The following MTTP variants were observed in gnomAD, a reference collection of about 807,000 sequenced individuals.
MTTP encodes microsomal triglyceride transfer protein.
In MTTP, 49 loss-of-function variants were observed where a neutral mutation model predicts 90.6. That is an observed-to-expected ratio of 0.54 (90% CI 0.43 to 0.69). The LOEUF is 0.69. Ranked by LOEUF, MTTP falls within the 30% of genes least tolerant of loss-of-function variation. The probability of loss-of-function intolerance (pLI) is 0.00; values close to 1 mark genes in which losing one functional copy is unlikely to be tolerated. For missense variants in MTTP, 945 were observed against 1,067.5 expected (o/e 0.89, Z 1.60); for synonymous variants, 347 against 384.2 (o/e 0.90, Z 1.13).
upstream of MTTP, among the ~76,000 whole-genome samples, chr4:99,572,313 C>A (rs1182045401): frequency 6.6e-6 from 1 of 151,930 alleles, no homozygotes; most frequent in African/African-American, 2.4e-5. Flanking sequence ...GAATGTCTAA[C>A]CACAATTTCA....
chr4:99,617,855 T>C (rs1013885729), intron 15 of MTTP, among the ~76,000 whole-genome samples: 23 of 152,214 alleles, frequency 1.5e-4, no homozygotes, highest in African/African-American at 4.8e-4. Flanking sequence ...ATTGAGTTCA[T>C]GTTGAACTTG....
At chr4:99,596,930 T>C (rs1459019092) in intron 7 of MTTP, 137 bp from the exon 8 acceptor site, 1 of 1,020,630 alleles carries the variant, frequency 9.8e-7, no homozygotes, top group Non-Finnish European at 1.5e-6. Context: ...GGAACTGTCA[T>C]GTGTATTGAG....
At chr4:99,582,718 C>A (rs1458107788) in intron 2 of MTTP, among the ~76,000 whole-genome samples, 8 of 152,092 alleles carry the variant, frequency 5.3e-5, no homozygotes, top group African/African-American at 1.9e-4. Flanking sequence ...TGAGTAAAGT[C>A]AGTTATTCTT....
At chr4:99,621,037 T>A (rs1317769874) in intron 16 of MTTP, 24 bp from the exon 17 acceptor site, 1 of 1,610,922 alleles carries the variant, frequency 6.2e-7, no homozygotes, top group Admixed American at 1.7e-5. Context: ...GAACAAGTTT[T>A]TTCTTTTTTT....
At chr4:99,578,517 C>G (rs900884325) in intron 1 of MTTP, among the ~76,000 whole-genome samples, 1 of 152,160 alleles carries the variant, frequency 6.6e-6, no homozygotes, top group African/African-American at 2.4e-5. Context: ...GCTTTATCTC[C>G]TGTTGAAAGA....
chr4:99,578,116 CCAGTTAT>C (rs1725012368), intron 1 of MTTP, among the ~76,000 whole-genome samples: 1 of 152,096 alleles, frequency 6.6e-6, no homozygotes, highest in Admixed American at 6.5e-5. Flanking sequence ...CTTGACTAAG[CCAGTTAT>C]CAGTGATTGT....
At chr4:99,580,404 G>A (rs192124962) in intron 1 of MTTP, among the ~76,000 whole-genome samples, 22 of 150,812 alleles carry the variant, frequency 1.5e-4, no homozygotes, top group African/African-American at 4.9e-4. Context: ...GTGAAACCCC[G>A]TCTCTACTAA....
rs552998660 is a variant in MTTP, at chr4:99,612,692, A to G, written c.1990-221A>G. 3.9e-5 allele frequency among the ~76,000 whole-genome samples: 6 copies of G among 152,258 alleles called. No homozygotes were observed. The South Asian group carries it at 1.2e-3, about 32-fold the overall frequency. On this transcript the variant is annotated intron_variant, in intron 14 of 17. Coordinates refer to ENST00000265517, the MANE Select transcript of MTTP (RefSeq NM_001386140.1). ...CCTCATCTACAAAATGGGTAATATC[A>G]TATGTACTTCAAAGAGTGGTTGTGA...
chr4:99,570,392 CT>C (rs979869283), upstream of MTTP, among the ~76,000 whole-genome samples: 3 of 150,246 alleles, frequency 2.0e-5, no homozygotes, highest in East Asian at 6.0e-4. Context: ...GCTTCTCTTT[CT>C]TCTTGAAAAT....
At chr4:99,591,925 G>C in intron 6 of MTTP, 135 bp downstream of exon 6, 1 of 832,486 alleles carries the variant, frequency 1.2e-6, no homozygotes, top group Non-Finnish European at 1.9e-6. Context: ...ATGGGAATAA[G>C]TTCTGAGAAA....
At chr4:99,566,206 G>A (rs1724692084) in intron 1 of MTTP, among the ~76,000 whole-genome samples, 1 of 148,920 alleles carries the variant, frequency 6.7e-6, no homozygotes, top group Admixed American at 6.8e-5. Flanking sequence ...GGAGAATGGC[G>A]TGAACCCGGG....
intron 14 of MTTP, 24 bp downstream of exon 14, chr4:99,611,477 G>A: frequency 6.2e-7 from 1 of 1,613,370 alleles, no homozygotes; most frequent in Non-Finnish European, 8.5e-7. Flanking sequence ...CATGGATTTT[G>A]CTTAATAAAG....
At chr4:99,587,896 G>T (rs1261580750) in intron 3 of MTTP, among the ~76,000 whole-genome samples, 1 of 152,078 alleles carries the variant, frequency 6.6e-6, no homozygotes, top group African/African-American at 2.4e-5. Context: ...CTCAGGCTTG[G>T]GTCTGAGATA....
rs886058960 is a variant in MTTP at position 99,622,930 on chromosome 4, G to A, written c.*82G>A. 2.7e-6 allele frequency: 4 copies of A among 1,457,896 alleles called. No homozygotes were observed. Among genetic ancestry groups the A allele is most frequent in the South Asian group, 1.1e-5 (1 of 87,690 alleles). 90.3% of individuals were successfully genotyped at this position (1,457,896 alleles called of 1,614,324 possible). A position where few individuals can be genotyped will look rare whatever the true frequency, so the allele number is the denominator to read the frequency against. On this transcript the variant is annotated 3_prime_UTR_variant, in exon 18 of 18. Transcript: ENST00000265517. Reference sequence around the variant, plus strand: ...ATGACTAAGTACTTGCTCTCTGAGAGCACAGCGTTTACATATTTACCTGTA... The same window carrying A: ...ATGACTAAGTACTTGCTCTCTGAGAACACAGCGTTTACATATTTACCTGTA...
At chr4:99,573,614 T>A (rs1260051345), upstream of MTTP, among the ~76,000 whole-genome samples, 1 of 152,182 alleles carries the variant, frequency 6.6e-6, no homozygotes, top group Admixed American at 6.6e-5. Context: ...GGAAATATGC[T>A]TAACTTTGTA....
intron 16 of MTTP, 87 bp from the exon 17 acceptor site, chr4:99,620,974 G>T (rs897654339): frequency 1.6e-6 from 2 of 1,290,180 alleles, no homozygotes; most frequent in East Asian, 4.9e-5. Context: ...GGCATCATAC[G>T]TTCAGACCCT....
At position 99,591,251 on chromosome 4, in the gene MTTP, A is replaced by T. The variant is rs758861908; in HGVS notation, c.518A>T (p.Asn173Ile). The T allele has an allele frequency of 3.1e-6, 5 of 1,612,032 alleles. No individual in the cohort carries two copies. Among genetic ancestry groups the T allele is most frequent in the Non-Finnish European group, 4.2e-6 (5 of 1,178,266 alleles). ...TCTTTTTAGGTAGATATCTCTGGAA[A>T]TTGTAAAGTGACCTACCAGGCTCAT... ...GTTNEVDISG[N>I]CKVTYQAHQD... Residue 173 changes from asparagine (N) to isoleucine (I), a missense_variant, in exon 5 of 18, where the codon AAT becomes ATT. By Grantham distance (149) the Asn-to-Ile change is moderately radical. Coordinates refer to ENST00000265517, the MANE Select transcript of MTTP (RefSeq NM_001386140.1).
chr4:99,587,736 A>G (rs998617881), intron 3 of MTTP, among the ~76,000 whole-genome samples: 2 of 152,148 alleles, frequency 1.3e-5, no homozygotes, highest in Admixed American at 1.3e-4. Context: ...ATTGCCACTG[A>G]GTGAACACTT....
At chr4:99,610,535 T>C (rs1477546829) in intron 12 of MTTP, among the ~76,000 whole-genome samples, 2 of 152,176 alleles carry the variant, frequency 1.3e-5, no homozygotes, top group Non-Finnish European at 2.9e-5. Flanking sequence ...ACTGATATGA[T>C]TAATGTTATG....
Sources: gnomAD v4.1 joint callset for allele counts (sites outside exome capture counted in the v4.1 genomes callset) on GRCh38, gnomAD v4.1.1 for gene constraint, MANE v1.5 for transcripts, NCBI Gene and HGNC (gene_info 2026-07-23, HGNC 2026-07-21) for gene names.